GRID2: variants seen among roughly 807,000 people sequenced by gnomAD.
The protein encoded by GRID2 is glutamate ionotropic receptor delta type subunit 2, also known as glutamate receptor ionotropic, delta-2.
GRID2 carries 33 observed loss-of-function variants against 114.8 expected under a neutral mutation model. That is an observed-to-expected ratio of 0.29 (90% CI 0.22 to 0.38). The LOEUF (loss-of-function observed/expected upper bound fraction) is 0.38, where lower values mean the gene tolerates loss of function less well. GRID2 is among the 10% of genes least tolerant of loss of function. GRID2 has a pLI of 1.00. For missense variants in GRID2, 1,184 were observed against 1,257.7 expected (o/e 0.94, Z 0.89); for synonymous variants, 505 against 449.9 (o/e 1.12, Z -1.55).
chr4:93,289,793 T>G (rs1053292968), intron 8 of GRID2, among the ~76,000 whole-genome samples: 1 of 152,212 alleles, frequency 6.6e-6, no homozygotes, highest in Non-Finnish European at 1.5e-5. Flanking sequence ...CAGGCCATTA[T>G]TGTTATTTGT....
At chr4:93,206,146 A>G (rs560967176) in intron 4 of GRID2, among the ~76,000 whole-genome samples, 18 of 152,096 alleles carry the variant, frequency 1.2e-4, no homozygotes, top group Non-Finnish European at 2.5e-4. Context: ...TTATCTGATC[A>G]TGTACTATCT....
At chr4:92,699,524 T>G (rs1579866753) in intron 2 of GRID2, among the ~76,000 whole-genome samples, 1 of 152,200 alleles carries the variant, frequency 6.6e-6, no homozygotes, top group African/African-American at 2.4e-5. Flanking sequence ...AAATGGCAGA[T>G]ATTTCTCAAA....
chr4:93,102,342 T>C (rs187048248), intron 3 of GRID2, among the ~76,000 whole-genome samples: 7 of 152,310 alleles, frequency 4.6e-5, no homozygotes, highest in African/African-American at 1.7e-4. Flanking sequence ...GAGACCTAGA[T>C]ATGCATAATA....
At chr4:92,356,311 T>C (rs993978210) in intron 1 of GRID2, among the ~76,000 whole-genome samples, 3 of 151,528 alleles carry the variant, frequency 2.0e-5, no homozygotes, top group South Asian at 4.1e-4. Context: ...GGTTTTCTTA[T>C]GTTAGAGTTC....
intron 2 of GRID2, among the ~76,000 whole-genome samples, chr4:92,980,487 A>G (rs1156883484): frequency 6.6e-6 from 1 of 152,078 alleles, no homozygotes; most frequent in Non-Finnish European, 1.5e-5. Context: ...TTGGAATTGA[A>G]TTATATTAAA....
intron 2 of GRID2, among the ~76,000 whole-genome samples, chr4:93,015,246 A>G (rs571407556): frequency 2.6e-5 from 4 of 152,134 alleles, no homozygotes; most frequent in Admixed American, 1.3e-4. Flanking sequence ...GAACTCTGGC[A>G]TAGACTAGAT....
chr4:93,422,895 C>T lies in GRID2; in HGVS notation c.1472C>T (p.Ala491Val), dbSNP rs145570070. 26 of 1,613,148 alleles carry T rather than the reference C, an allele frequency of 1.6e-5. No homozygotes were observed. In the African/African-American group the frequency reaches 2.1e-4, roughly 13 times the overall value. The stretch of plus-strand genomic sequence containing the variant: ...GGTTTTAACTACGAAATTTACGTAG[C>T]ACCGGATCACAAATACGGAAGCCCA... ...YLGFNYEIYV[A>V]PDHKYGSPQE... is the part of the protein sequence containing the mutation. The change falls in exon 10 of 16, where the codon GCA becomes GTA. Residue 491 changes from alanine to valine, a missense_variant. Transcript: ENST00000282020.
intron 8 of GRID2, among the ~76,000 whole-genome samples, chr4:93,375,214 CTT>C (rs373891256): frequency 2.7e-4 from 36 of 135,264 alleles, no homozygotes; most frequent in Non-Finnish European, 4.1e-4. Flanking sequence ...CTTTTTTTCC[CTT>C]TTTTTTTTTT....
At chr4:93,676,197 T>C (rs1391844106) in intron 14 of GRID2, among the ~76,000 whole-genome samples, 1 of 152,234 alleles carries the variant, frequency 6.6e-6, no homozygotes, top group Non-Finnish European at 1.5e-5. Context: ...ACCTGTAACT[T>C]TGAACAAACT....
intron 11 of GRID2, among the ~76,000 whole-genome samples, chr4:93,459,879 G>A (rs1444728458): frequency 6.6e-6 from 1 of 152,108 alleles, no homozygotes; most frequent in African/African-American, 2.4e-5. Flanking sequence ...TAGAAACTCT[G>A]AAAATAGTTT....
intron 2 of GRID2, among the ~76,000 whole-genome samples, chr4:92,938,985 TCCA>T (rs1750886158): frequency 1.4e-5 from 2 of 147,196 alleles, no homozygotes; most frequent in Middle Eastern, 6.6e-3. Flanking sequence ...TTGGGTGGGT[TCCA>T]AGTCTTTGCT....
intron 12 of GRID2, among the ~76,000 whole-genome samples, chr4:93,498,594 G>T (rs1486418692): frequency 6.6e-6 from 1 of 151,614 alleles, no homozygotes; most frequent in African/African-American, 2.4e-5. Context: ...TACTTCTAGG[G>T]GTTTTTGGTA....
intron 1 of GRID2, among the ~76,000 whole-genome samples, chr4:92,535,788 C>T (rs1725590900): frequency 6.6e-6 from 1 of 152,062 alleles, no homozygotes; most frequent in Admixed American, 6.6e-5. Context: ...GTGAGTGTTA[C>T]AGTTCTTAAA....
At chr4:93,522,527 T>C (rs1730438881) in intron 13 of GRID2, among the ~76,000 whole-genome samples, 1 of 151,758 alleles carries the variant, frequency 6.6e-6, no homozygotes, top group Non-Finnish European at 1.5e-5. Context: ...AAAAGTATGA[T>C]AGAAGATAAT....
chr4:93,262,786 T>C (rs1228697133), intron 8 of GRID2, among the ~76,000 whole-genome samples: 1 of 150,874 alleles, frequency 6.6e-6, no homozygotes, highest in Non-Finnish European at 1.5e-5. Flanking sequence ...TTTCCATTTT[T>C]GCCCTTTTAA....
intron 1 of GRID2, among the ~76,000 whole-genome samples, chr4:92,559,312 GT>G (rs1727005927): frequency 6.6e-6 from 1 of 152,118 alleles, no homozygotes; most frequent in African/African-American, 2.4e-5. Flanking sequence ...TTAAGAAAGA[GT>G]TTTTTTCTTC....
At chr4:93,502,664 C>T (rs1176067918) in intron 12 of GRID2, among the ~76,000 whole-genome samples, 1 of 151,438 alleles carries the variant, frequency 6.6e-6, no homozygotes, top group African/African-American at 2.4e-5. Flanking sequence ...TAGTTCCTGT[C>T]ACCTAAAGAT....
chr4:93,192,640 G>A (rs931762989), intron 4 of GRID2, among the ~76,000 whole-genome samples: 9 of 151,642 alleles, frequency 5.9e-5, no homozygotes, highest in Non-Finnish European at 1.2e-4. Flanking sequence ...CCAGCTACTC[G>A]GGAGGCTGAG....
At chr4:93,431,032 G>T (rs1343766779) in intron 10 of GRID2, among the ~76,000 whole-genome samples, 1 of 152,158 alleles carries the variant, frequency 6.6e-6, no homozygotes, top group African/African-American at 2.4e-5. Context: ...GAGAATGAAA[G>T]ACAGGAAATC....
Sources: allele counts gnomAD v4.1 joint callset (sites outside exome capture counted in the v4.1 genomes callset), GRCh38; gene constraint gnomAD v4.1.1; transcripts MANE v1.5; gene names NCBI Gene and HGNC (gene_info 2026-07-23, HGNC 2026-07-21).